The following MINK1 variants were observed in gnomAD, a reference collection of about 807,000 sequenced individuals.
MINK1 encodes misshapen like kinase 1.
MINK1 carries 46 observed loss-of-function variants against 178.4 expected under a neutral mutation model. That is an observed-to-expected ratio of 0.26 (90% CI 0.20 to 0.33). The LOEUF (loss-of-function observed/expected upper bound fraction) is 0.33, where lower values mean the gene tolerates loss of function less well. Ranked by LOEUF, MINK1 falls within the 10% of genes least tolerant of loss-of-function variation. The probability of loss-of-function intolerance (pLI) is 1.00; values close to 1 mark genes in which losing one functional copy is unlikely to be tolerated. For missense variants in MINK1, 1,366 were observed against 1,814.9 expected, an observed-to-expected ratio of 0.75 and a Z score of 4.49; for synonymous variants, 797 against 709.7, an observed-to-expected ratio of 1.12 and a Z score of -1.96.
intron 1 of MINK1, among the ~76,000 whole-genome samples, chr17:4,849,862 C>T (rs1285724550): frequency 3.3e-5 from 5 of 152,178 alleles, no homozygotes. Context: ...TGTGAGCCAC[C>T]GCGCCCGGCT....
rs773885413 is a variant in MINK1, at chr17:4,892,157, G to A, written c.2010G>A (p.Gln670=). Residue 670 remains glutamine, a synonymous_variant, in exon 17 of 32, where the codon CAG becomes CAA. Coordinates refer to ENST00000355280, the MANE Select transcript of MINK1 (RefSeq NM_153827.5). ...TGGACTTCTCTCCACAGGTGCCTCAGAGGACCTCATCTATCGCCACTGCCC... is the reference window on the plus strand; with the variant it reads ...TGGACTTCTCTCCACAGGTGCCTCAAAGGACCTCATCTATCGCCACTGCCC... The part of the protein sequence containing the change: ...PDNEAPPKVP[Q]RTSSIATALN... The A allele has an allele frequency of 1.9e-6, 3 of 1,597,648 alleles. No individual in the cohort carries two copies. The South Asian group carries it at 3.4e-5, about 18-fold the overall frequency.
Position 4,890,648 on chromosome 17 carries a change from G to T in MINK1, c.1479G>T (p.Gln493His), listed in dbSNP as rs369798720. The T allele has an allele frequency of 1.3e-6, 2 of 1,552,630 alleles. No individual in the cohort carries two copies. The highest frequency in any genetic ancestry group is 2.7e-5 in the African/African-American group (2 of 73,210). The change falls in exon 14 of 32, where the codon CAG becomes CAT. Residue 493 changes from glutamine (Q) to histidine (H), a missense_variant. Gln to His is a conservative substitution (Grantham distance 24, BLOSUM62 0). Coordinates refer to ENST00000355280, the MANE Select transcript of MINK1 (RefSeq NM_153827.5). ...QQQQQLQKQQ[Q>H]QQLLPGDRKP... Reference sequence around the variant, plus strand: ...AGCAGCAGCTTCAGAAACAGCAGCAGCAGCAGCTCCTGCCTGGGGACAGGA... The same window carrying T: ...AGCAGCAGCTTCAGAAACAGCAGCATCAGCAGCTCCTGCCTGGGGACAGGA...
At chr17:4,875,834 C>T (rs189217819) in intron 1 of MINK1, among the ~76,000 whole-genome samples, 143 of 150,868 alleles carry the variant, frequency 9.5e-4, no homozygotes, top group African/African-American at 3.2e-3. Flanking sequence ...CTTGCTCTGT[C>T]GCTTTGGTTG....
chr17:4,886,564 G>A lies in MINK1; in HGVS notation c.887G>A (p.Arg296Gln), dbSNP rs1968220630. ...FPFIRDQPTE[R>Q]QVRIQLKDHI... Reference sequence around the variant, plus strand: ...TTCATCCGGGACCAGCCCACGGAGCGGCAGGTCCGCATCCAGCTTAAGGAC... The same window carrying A: ...TTCATCCGGGACCAGCCCACGGAGCAGCAGGTCCGCATCCAGCTTAAGGAC... Residue 296 changes from arginine to glutamine, a missense_variant, in exon 10 of 32, where the codon CGG becomes CAG. By Grantham distance (43) the Arg-to-Gln change is conservative (BLOSUM62 1). This residue lies in a region of MINK1 where 23 missense variants were observed against 30.2 expected (regional missense o/e 0.76). Transcript: ENST00000355280. This position sits in a 1 kb window ranked among gnomAD's most constrained non-coding sequence, Gnocchi z 6.1. 2 of 1,612,990 alleles carry A rather than the reference G, an allele frequency of 1.2e-6. No homozygotes were observed. Among genetic ancestry groups the A allele is most frequent in the South Asian group, 1.1e-5 (1 of 91,030 alleles).
At position 4,895,603 on chromosome 17, in the gene MINK1, A is replaced by C; in HGVS notation, c.3230-95A>C. ...CTGGAAGGTGGGGCCACACTTTCTCACCCCTTGTGGTATGCTGACAGAGGA... is the reference window on the plus strand; with the variant it reads ...CTGGAAGGTGGGGCCACACTTTCTCCCCCCTTGTGGTATGCTGACAGAGGA... On this transcript the variant is annotated intron_variant, in intron 26 of 31. Coordinates refer to ENST00000355280, the MANE Select transcript of MINK1 (RefSeq NM_153827.5). The surrounding 1 kb of genome is among the most constrained non-coding windows in gnomAD (Gnocchi z 4.3). The C allele has an allele frequency of 1.9e-6, 3 of 1,553,282 alleles. No individual in the cohort carries two copies. The highest frequency in any genetic ancestry group is 2.6e-6 in the Non-Finnish European group (3 of 1,146,172).
At chr17:4,866,942 G>A (rs534274350) in intron 1 of MINK1, among the ~76,000 whole-genome samples, 4 of 150,998 alleles carry the variant, frequency 2.6e-5, no homozygotes, top group African/African-American at 7.3e-5. Context: ...GCGTGGTGGC[G>A]GGCGCCTGTA....
intron 31 of MINK1, 164 bp from the exon 32 acceptor site, chr17:4,897,040 C>T: frequency 1.2e-6 from 1 of 861,210 alleles, no homozygotes; most frequent in Non-Finnish European, 1.8e-6. Flanking sequence ...CCCCTAACAT[C>T]CCAGCCTGCC....
At chr17:4,863,194 C>T (rs940054615) in intron 1 of MINK1, among the ~76,000 whole-genome samples, 8 of 152,272 alleles carry the variant, frequency 5.3e-5, no homozygotes, top group Admixed American at 1.3e-4. Context: ...ATGGTAACAG[C>T]GGGGGATAGC....
chr17:4,833,461 C>G lies in MINK1; in HGVS notation c.-123C>G, dbSNP rs1908788200. On this transcript the variant is annotated 5_prime_UTR_variant, in exon 1 of 32. Transcript: ENST00000355280. This position sits in a 1 kb window ranked among gnomAD's most constrained non-coding sequence, Gnocchi z 4.8. ...CGCCGGCCCTCCCCCTCCCCGGTCT[C>G]CGGGGGAGGCGCGGTGGAGTCCGCC... 1.3e-6 allele frequency: 1 copy of G among 771,218 alleles called. No individual in the cohort carries two copies. The highest frequency in any genetic ancestry group is 1.8e-5 in the South Asian group (1 of 55,228). The allele number at this position is 771,218 out of a possible 1,614,324, so 47.8% of individuals were successfully genotyped here.
intron 1 of MINK1, among the ~76,000 whole-genome samples, chr17:4,843,745 A>G (rs1448838403): frequency 1.3e-5 from 2 of 152,154 alleles, no homozygotes; most frequent in Admixed American, 1.3e-4. Context: ...CATTTGCAAG[A>G]TGAAGAAACC....
chr17:4,891,398 C>T (rs532751964), intron 15 of MINK1, 58 bp from the exon 16 acceptor site: 136 of 1,506,256 alleles, frequency 9.0e-5, no homozygotes, highest in Middle Eastern at 2.0e-4. Context: ...GACCCCAATT[C>T]GCAGGTGGGG....
Position 4,895,192 on chromosome 17 carries a change from G to A in MINK1, c.3035G>A (p.Arg1012Gln), listed in dbSNP as rs1286896604. ...GCCCACAGTGAGACCCCTGAGATCC[G>A]GAAGTACAAGAAGCGATTCAACTCC... ...TRAHSETPEI[R>Q]KYKKRFNSEI... Residue 1012 changes from arginine (R) to glutamine (Q), a missense_variant, in exon 25 of 32, where the codon CGG (arginine) becomes CAG (glutamine). Physicochemically the swap from Arg to Gln is conservative, Grantham distance 43. Transcript: ENST00000355280. This position sits in a 1 kb window ranked among gnomAD's most constrained non-coding sequence, Gnocchi z 4.3. The A allele has an allele frequency of 6.8e-6, 11 of 1,613,944 alleles. No individual in the cohort carries two copies. Among genetic ancestry groups the A allele is most frequent in the East Asian group, 2.2e-5 (1 of 44,878 alleles).
intron 1 of MINK1, chr17:4,854,760 T>C (rs1482529083): frequency 2.0e-6 from 1 of 494,836 alleles, no homozygotes; most frequent in Non-Finnish European, 4.0e-6. Context: ...CAGGTAGCCA[T>C]CGATAGACAG....
intron 20 of MINK1, 26 bp downstream of exon 20, chr17:4,893,093 C>G (rs1969034510): frequency 6.4e-7 from 1 of 1,550,902 alleles, no homozygotes; most frequent in Non-Finnish European, 8.7e-7. Context: ...GCAGGCATGG[C>G]CTGCCTCATC....
chr17:4,890,209 C>T, intron 13 of MINK1: 2 of 1,005,720 alleles, frequency 2.0e-6, no homozygotes, highest in Non-Finnish European at 2.5e-6. Context: ...CCACCCCACA[C>T]CCCGTCCCCC....
chr17:4,888,577 G>A (rs966060392), intron 12 of MINK1, among the ~76,000 whole-genome samples: 1 of 151,722 alleles, frequency 6.6e-6, no homozygotes, highest in African/African-American at 2.4e-5. Context: ...GGTGGAAGTT[G>A]TAGTGAGCTG....
Position 4,841,861 on chromosome 17 carries a change from C to A in MINK1, c.57+8221C>A, listed in dbSNP as rs1430046868. Among the ~76,000 whole-genome samples, 2 of 152,014 alleles carry A rather than the reference C, an allele frequency of 1.3e-5. 1 individual carries two copies. Among genetic ancestry groups the A allele is most frequent in the African/African-American group, 4.8e-5 (2 of 41,392 alleles). On this transcript the variant is annotated intron_variant, in intron 1 of 31. Transcript: ENST00000355280. ...ATACAAAGCAGTACAGGTGCTGACTCTGGTTCTCAGCCAGGGCACCGCTGG... is the reference window on the plus strand; with the variant it reads ...ATACAAAGCAGTACAGGTGCTGACTATGGTTCTCAGCCAGGGCACCGCTGG...
intron 1 of MINK1, chr17:4,859,075 C>T (rs1262141457): frequency 5.2e-6 from 5 of 954,776 alleles, no homozygotes; most frequent in African/African-American, 1.8e-5. Context: ...ACAGCACTGG[C>T]TCTAGCAGCA....
chr17:4,844,243 C>T (rs1910669722), intron 1 of MINK1, among the ~76,000 whole-genome samples: 1 of 152,046 alleles, frequency 6.6e-6, no homozygotes. Context: ...TCAGGTGATC[C>T]ACCCACCTCG....
Sources: gnomAD v4.1 joint callset for allele counts (sites outside exome capture counted in the v4.1 genomes callset) on GRCh38, gnomAD v4.1.1 for gene constraint, gnomAD v4.1.1 regional missense constraint, Gnocchi (gnomAD v3.1) non-coding constraint, MANE v1.5 for transcripts, NCBI Gene and HGNC (gene_info 2026-07-23, HGNC 2026-07-21) for gene names.